The following KCNIP1 variants were observed in gnomAD, a reference collection of about 807,000 sequenced individuals.
KCNIP1 encodes A-type potassium channel modulatory protein KCNIP1.
In KCNIP1, 18 loss-of-function variants were observed where a neutral mutation model predicts 33.0. The observed-to-expected ratio is 0.55, with a 90% CI of 0.38 to 0.81. The LOEUF is 0.81. KCNIP1 is among the 30% of genes least tolerant of loss of function. The pLI, the probability that KCNIP1 is intolerant of heterozygous loss-of-function variation, is 0.00. For missense variants in KCNIP1, 238 were observed against 271.6 expected, an observed-to-expected ratio of 0.88 and a Z score of 0.87; for synonymous variants, 93 against 98.3, an observed-to-expected ratio of 0.95 and a Z score of 0.32.
intron 1 of KCNIP1, among the ~76,000 whole-genome samples, chr5:170,464,274 C>T (rs1157150896): frequency 6.6e-6 from 1 of 152,288 alleles, no homozygotes; most frequent in East Asian, 1.9e-4. Context: ...GATGCAATCT[C>T]TGTCAAAGTT....
intron 1 of KCNIP1, among the ~76,000 whole-genome samples, chr5:170,606,567 T>A (rs1758928561): frequency 6.6e-6 from 1 of 152,162 alleles, no homozygotes; most frequent in African/African-American, 2.4e-5. Context: ...CTGGAGTCCC[T>A]GACCCAGAAG....
At chr5:170,683,544 G>A (rs1411518289) in intron 1 of KCNIP1, among the ~76,000 whole-genome samples, 4 of 151,980 alleles carry the variant, frequency 2.6e-5, no homozygotes, top group African/African-American at 7.3e-5. Flanking sequence ...CATTTTTAAT[G>A]TGTATTTGAT....
intron 1 of KCNIP1, among the ~76,000 whole-genome samples, chr5:170,390,748 G>T (rs573361886): frequency 6.6e-6 from 1 of 151,742 alleles, no homozygotes; most frequent in African/African-American, 2.4e-5. Flanking sequence ...AGCTTGGTCT[G>T]TCTCTGATGA....
chr5:170,659,815 A>T (rs892107117), intron 1 of KCNIP1, among the ~76,000 whole-genome samples: 5 of 152,324 alleles, frequency 3.3e-5, no homozygotes, highest in East Asian at 3.9e-4. Context: ...AAGTAATTGT[A>T]GTTTTTGGCA....
At chr5:170,581,572 G>A (rs1561698561) in intron 1 of KCNIP1, among the ~76,000 whole-genome samples, 1 of 152,230 alleles carries the variant, frequency 6.6e-6, no homozygotes, top group Non-Finnish European at 1.5e-5. Context: ...GTGACAACCT[G>A]TGTACCAAGG....
chr5:170,511,265 G>A (rs542972997), intron 1 of KCNIP1, among the ~76,000 whole-genome samples: 10 of 152,202 alleles, frequency 6.6e-5, no homozygotes, highest in South Asian at 2.1e-4. Context: ...ATAGGGCCAC[G>A]TGAGGGCCAA....
At chr5:170,716,577 T>C (rs1437374143) in intron 1 of KCNIP1, among the ~76,000 whole-genome samples, 1 of 152,172 alleles carries the variant, frequency 6.6e-6, no homozygotes, top group African/African-American at 2.4e-5. Flanking sequence ...TATCCAAATA[T>C]GCAGATACTA....
intron 1 of KCNIP1, among the ~76,000 whole-genome samples, chr5:170,598,007 G>A (rs1758527197): frequency 6.6e-6 from 1 of 152,056 alleles, no homozygotes. Context: ...GCCAAGCCCT[G>A]TGCTACTGAA....
At chr5:170,663,565 T>C (rs1761580941) in intron 1 of KCNIP1, among the ~76,000 whole-genome samples, 2 of 152,130 alleles carry the variant, frequency 1.3e-5, no homozygotes, top group Non-Finnish European at 2.9e-5. Context: ...TCTCATCAAA[T>C]GCCCCTAGCC....
At chr5:170,687,882 C>T (rs955914978) in intron 1 of KCNIP1, among the ~76,000 whole-genome samples, 4 of 152,140 alleles carry the variant, frequency 2.6e-5, no homozygotes, top group Non-Finnish European at 5.9e-5. Context: ...TAACCACTTT[C>T]GCCAAAGACT....
At chr5:170,479,137 C>G (rs189018339) in intron 1 of KCNIP1, among the ~76,000 whole-genome samples, 3 of 152,304 alleles carry the variant, frequency 2.0e-5, no homozygotes, top group Admixed American at 6.5e-5. Flanking sequence ...ATGTCACTAG[C>G]TGGAGGCGCT....
chr5:170,360,697 G>T (rs955469647), intron 1 of KCNIP1, among the ~76,000 whole-genome samples: 1 of 152,164 alleles, frequency 6.6e-6, no homozygotes, highest in Non-Finnish European at 1.5e-5. Context: ...CAATGGAAAT[G>T]ATCCTTTTTA....
chr5:170,523,345 G>A (rs1755440785), intron 1 of KCNIP1, among the ~76,000 whole-genome samples: 1 of 152,238 alleles, frequency 6.6e-6, no homozygotes, highest in Non-Finnish European at 1.5e-5. Flanking sequence ...CGCCAGGAAA[G>A]CCGATGCTTT....
intron 2 of KCNIP1, among the ~76,000 whole-genome samples, chr5:170,719,123 A>T (rs1332989559): frequency 1.3e-5 from 2 of 152,150 alleles, no homozygotes; most frequent in Non-Finnish European, 2.9e-5. Context: ...AGGGTGGCAC[A>T]TCCTCAAGGA....
intron 1 of KCNIP1, among the ~76,000 whole-genome samples, chr5:170,666,651 T>A (rs1182185004): frequency 6.6e-6 from 1 of 152,232 alleles, no homozygotes; most frequent in Non-Finnish European, 1.5e-5. Context: ...TTTCATCTGG[T>A]CTTTTTGCTA....
upstream of KCNIP1, among the ~76,000 whole-genome samples, chr5:170,500,150 T>C (rs532639303): frequency 6.6e-6 from 1 of 152,270 alleles, no homozygotes; most frequent in African/African-American, 2.4e-5. Flanking sequence ...CATGGTATCT[T>C]TGTGCGTGGG....
At chr5:170,593,028 A>T (rs1437631677) in intron 1 of KCNIP1, among the ~76,000 whole-genome samples, 1 of 151,472 alleles carries the variant, frequency 6.6e-6, no homozygotes, top group African/African-American at 2.4e-5. Flanking sequence ...TGTGTAGATT[A>T]TTTCCAGACT....
At chr5:170,591,673 G>T (rs1258920010) in intron 1 of KCNIP1, among the ~76,000 whole-genome samples, 1 of 152,042 alleles carries the variant, frequency 6.6e-6, no homozygotes, top group Non-Finnish European at 1.5e-5. Flanking sequence ...GACTACTCTA[G>T]GTACCTCGTA....
At chr5:170,696,736 C>G (rs1188125146) in intron 1 of KCNIP1, among the ~76,000 whole-genome samples, 1 of 152,112 alleles carries the variant, frequency 6.6e-6, no homozygotes, top group African/African-American at 2.4e-5. Context: ...GTTGGGGGAA[C>G]AGCAAGTATT....
Sources: gnomAD v4.1 joint callset for allele counts (sites outside exome capture counted in the v4.1 genomes callset) on GRCh38, gnomAD v4.1.1 for gene constraint, MANE v1.5 for transcripts, NCBI Gene and HGNC (gene_info 2026-07-23, HGNC 2026-07-21) for gene names.